Variants in ARHGEF11 observed in about 807,000 individuals in gnomAD.
The protein encoded by ARHGEF11 is Rho guanine nucleotide exchange factor 11, also known as Rho guanine exchange factor (GEF) 11.
Under a neutral mutation model 193.7 loss-of-function variants are expected in ARHGEF11, and 55 were observed. That is an observed-to-expected ratio of 0.28 (90% CI 0.23 to 0.36). The LOEUF is 0.36. ARHGEF11 is among the 10% of genes least tolerant of loss of function. ARHGEF11 has a pLI of 1.00. For missense variants in ARHGEF11, 1,723 were observed against 2,005.6 expected (o/e 0.86, Z 2.69); for synonymous variants, 693 against 768.0 (o/e 0.90, Z 1.62).
intron 1 of ARHGEF11, among the ~76,000 whole-genome samples, chr1:156,993,342 G>T (rs1666036352): frequency 6.6e-6 from 1 of 151,854 alleles, no homozygotes. Context: ...CATCACATGT[G>T]CCCACACACA....
chr1:156,942,033 TAGC>T, intron 33 of ARHGEF11, 44 bp from the exon 34 acceptor site: 1 of 1,613,312 alleles, frequency 6.2e-7, no homozygotes, highest in South Asian at 1.1e-5. Flanking sequence ...GAGAGCAAGA[TAGC>T]AGCACGCACC....
chr1:157,040,831 C>T (rs534824377), intron 1 of ARHGEF11, among the ~76,000 whole-genome samples: 2 of 152,166 alleles, frequency 1.3e-5, no homozygotes, highest in African/African-American at 2.4e-5. Flanking sequence ...TACATTATCT[C>T]GTTTGATTTG....
At chr1:157,008,490 C>A (rs1668168620) in intron 1 of ARHGEF11, among the ~76,000 whole-genome samples, 1 of 152,086 alleles carries the variant, frequency 6.6e-6, no homozygotes, top group Non-Finnish European at 1.5e-5. Flanking sequence ...AGGAAGAGGG[C>A]CCTCACCAGA....
intron 29 of ARHGEF11, chr1:156,945,564 A>G (rs902938321): frequency 7.8e-6 from 2 of 255,162 alleles, no homozygotes; most frequent in Non-Finnish European, 1.5e-5. Flanking sequence ...CCTGACTCCA[A>G]TGTCTGAAAT....
At chr1:157,027,043 T>A (rs2102966622) in intron 1 of ARHGEF11, among the ~76,000 whole-genome samples, 1 of 152,262 alleles carries the variant, frequency 6.6e-6, no homozygotes, top group Non-Finnish European at 1.5e-5. Flanking sequence ...TAATTGGAGA[T>A]TTTTAGTAAA....
At chr1:156,992,054 T>C (rs987426210) in intron 1 of ARHGEF11, among the ~76,000 whole-genome samples, 1 of 152,202 alleles carries the variant, frequency 6.6e-6, no homozygotes, top group Non-Finnish European at 1.5e-5. Flanking sequence ...AACATTTACA[T>C]GGTTGAAAAA....
rs199528886 is a variant in ARHGEF11, at chr1:156,936,965, C to G, written c.4481G>C (p.Gly1494Ala). ...LAHRELLKSL[G>A]GESSGGTTPV... ...CGTGGTGCCACCAGATGACTCTCCCCCAAGGGACTTGAGCAGCTCTCTGTG... is the reference window on the plus strand; with the variant it reads ...CGTGGTGCCACCAGATGACTCTCCCGCAAGGGACTTGAGCAGCTCTCTGTG... Residue 1494 changes from glycine (G) to alanine (A), a missense_variant, in exon 40 of 41, where the codon GGG becomes GCG. This residue lies in a region of ARHGEF11 where 360 missense variants were observed against 344.4 expected (regional missense o/e 1.05). Transcript: ENST00000368194. The G allele has an allele frequency of 1.8e-4, 296 of 1,614,002 alleles. 1 individual carries two copies. The highest frequency in any genetic ancestry group is 1.7e-5 in the Non-Finnish European group (20 of 1,180,000).
chr1:156,949,096 G>C (rs907453879), intron 22 of ARHGEF11: 8 of 985,392 alleles, frequency 8.1e-6, no homozygotes, highest in Non-Finnish European at 9.6e-6. Context: ...GTTGTGATGT[G>C]GATGAGTTCC....
chr1:156,965,395 G>A (rs1264541275), intron 11 of ARHGEF11, among the ~76,000 whole-genome samples: 2 of 152,190 alleles, frequency 1.3e-5, no homozygotes, highest in Non-Finnish European at 2.9e-5. Flanking sequence ...GGGACCAGGA[G>A]AACTAAATTC....
intron 1 of ARHGEF11, among the ~76,000 whole-genome samples, chr1:157,006,428 C>T (rs983718799): frequency 6.6e-6 from 1 of 152,156 alleles, no homozygotes; most frequent in Non-Finnish European, 1.5e-5. Context: ...GATTTGAAGA[C>T]AGAGCGGGAC....
At chr1:156,969,767 G>T (rs1244997440) in intron 9 of ARHGEF11, among the ~76,000 whole-genome samples, 1 of 152,158 alleles carries the variant, frequency 6.6e-6, no homozygotes, top group East Asian at 1.9e-4. Context: ...ACTCATTCTG[G>T]TATCTTACTA....
At chr1:157,021,396 A>T (rs1281403631) in intron 1 of ARHGEF11, among the ~76,000 whole-genome samples, 1 of 152,192 alleles carries the variant, frequency 6.6e-6, no homozygotes, top group African/African-American at 2.4e-5. Flanking sequence ...AAAAGAGACA[A>T]TGACAAGGAT....
At chr1:157,018,427 C>T (rs577066628) in intron 1 of ARHGEF11, among the ~76,000 whole-genome samples, 6 of 151,994 alleles carry the variant, frequency 3.9e-5, no homozygotes, top group East Asian at 1.9e-4. Context: ...GCGGATCATG[C>T]GGTCAGGAGA....
chr1:156,936,507 T>TATATAG (rs1655331966), intron 40 of ARHGEF11, among the ~76,000 whole-genome samples: 1 of 122,774 alleles, frequency 8.1e-6, no homozygotes, highest in Non-Finnish European at 1.6e-5. Context: ...AATATATATA[T>TATATAG]ATATATATAT....
rs756275202 is a variant in ARHGEF11, at chr1:156,978,205, T to C, written c.509A>G (p.Gln170Arg). The change falls in exon 6 of 41, where the codon CAG becomes CGG. Residue 170 changes from glutamine (Q) to arginine (R), a missense_variant and splice_region_variant. Physicochemically the swap from Gln to Arg is conservative, Grantham distance 43. Around this residue, in one of 5 missense-constraint regions of ARHGEF11, gnomAD observed 646 missense variants for 710.7 expected, o/e 0.91. Coordinates refer to ENST00000368194, the MANE Select transcript of ARHGEF11 (RefSeq NM_198236.3). ...PQRITGPKPL[Q>R]DPEVQKHATQ... ...AAAGAAAGCCAGGAGGATTATTACC[T>C]GCAGAGGTTTGGGTCCTGTGATGCG... 5 of 1,614,188 alleles carry C rather than the reference T, an allele frequency of 3.1e-6. No individual in the cohort carries two copies. Among genetic ancestry groups the C allele is most frequent in the Non-Finnish European group, 4.2e-6 (5 of 1,180,018 alleles).
chr1:156,983,392 CT>C (rs1664479763), intron 3 of ARHGEF11, among the ~76,000 whole-genome samples: 1 of 151,820 alleles, frequency 6.6e-6, no homozygotes, highest in Non-Finnish European at 1.5e-5. Flanking sequence ...TGGCTAATTT[CT>C]TTGTATTTTT....
At chr1:156,978,499 T>C in intron 5 of ARHGEF11, 117 bp from the exon 6 acceptor site, 2 of 1,400,896 alleles carry the variant, frequency 1.4e-6, no homozygotes, top group Non-Finnish European at 1.9e-6. Flanking sequence ...TTCTGTAGAT[T>C]AAGTTCTCCT....
At chr1:156,947,241 C>T in intron 26 of ARHGEF11, 63 bp downstream of exon 26, 1 of 1,555,520 alleles carries the variant, frequency 6.4e-7, no homozygotes, top group Non-Finnish European at 8.7e-7. Context: ...GCAGTGGGGC[C>T]AAAGTGGAAC....
rs138989392 is a variant in ARHGEF11, at chr1:156,958,790, C to T, written c.1454G>A (p.Arg485Gln). The T allele has an allele frequency of 3.0e-5, 48 of 1,614,034 alleles. No homozygotes were observed. In the African/African-American group the frequency reaches 3.9e-4, roughly 13 times the overall value. ...CTGCTTCTCAGCCACTTGGCGCTCT[C>T]GGAGAGGGTCCCCATCCAGGTCCAG... ...DLLDLDGDPL[R>Q]ERQVAEKQLA... The change falls in exon 17 of 41, where the codon CGA becomes CAA. Residue 485 changes from arginine (R) to glutamine (Q), a missense_variant. Physicochemically the swap from Arg to Gln is conservative, Grantham distance 43. Transcript: ENST00000368194.
Sources: gnomAD v4.1 joint callset for allele counts (sites outside exome capture counted in the v4.1 genomes callset) on GRCh38, gnomAD v4.1.1 for gene constraint, gnomAD v4.1.1 regional missense constraint, MANE v1.5 for transcripts, NCBI Gene and HGNC (gene_info 2026-07-23, HGNC 2026-07-21) for gene names.